KCNMA1: variants seen among roughly 807,000 people sequenced by gnomAD.
KCNMA1 encodes Calcium-activated potassium channel subunit alpha-1.
In KCNMA1, 29 loss-of-function variants were observed where a neutral mutation model predicts 140.0. The observed-to-expected ratio is 0.21, with a 90% confidence interval of 0.15 to 0.28. The LOEUF (loss-of-function observed/expected upper bound fraction) is 0.28. Ranked by LOEUF, KCNMA1 falls within the 10% of genes least tolerant of loss-of-function variation. The pLI, the probability that KCNMA1 is intolerant of heterozygous loss-of-function variation, is 1.00. For synonymous variants in KCNMA1, 612 were observed against 611.9 expected (o/e 1.00, Z 0.00); for missense variants, 880 against 1,602.2 (o/e 0.55, Z 7.70).
At chr10:77,556,502 C>CAA (rs11446237) in intron 1 of KCNMA1, among the ~76,000 whole-genome samples, 14,670 of 67,936 alleles carry the variant, frequency 0.22, 2,004 homozygotes, top group African/African-American at 0.27. Flanking sequence ...GGGACTATCT[C>CAA]AAAAAAAAAA....
intron 6 of KCNMA1, among the ~76,000 whole-genome samples, chr10:77,117,819 G>A (rs2097517141): frequency 6.6e-6 from 1 of 152,138 alleles, no homozygotes; most frequent in South Asian, 2.1e-4. Context: ...GAGTCTCCTT[G>A]TCTCCCCTTT....
chr10:77,325,726 G>T (rs1300548463), intron 2 of KCNMA1, among the ~76,000 whole-genome samples: 1 of 152,126 alleles, frequency 6.6e-6, no homozygotes, highest in African/African-American at 2.4e-5. Flanking sequence ...GTTGCTGGGG[G>T]GCTTTGCTGT....
chr10:77,387,845 T>C (rs1005314904), intron 2 of KCNMA1, among the ~76,000 whole-genome samples: 11 of 152,196 alleles, frequency 7.2e-5, no homozygotes, highest in African/African-American at 2.7e-4. Flanking sequence ...CTTAAACTCC[T>C]GACCTCAAGT....
intron 3 of KCNMA1, among the ~76,000 whole-genome samples, chr10:77,204,558 T>C (rs2043460028): frequency 6.6e-6 from 1 of 152,156 alleles, no homozygotes; most frequent in African/African-American, 2.4e-5. Context: ...GTTGCCCCTG[T>C]AAACATTATA....
intron 23 of KCNMA1, among the ~76,000 whole-genome samples, chr10:76,940,396 A>G (rs1390675265): frequency 1.3e-5 from 2 of 152,216 alleles, no homozygotes; most frequent in Non-Finnish European, 2.9e-5. Flanking sequence ...CAGCTGTCCA[A>G]TGAAGGCTCT....
chr10:77,251,098 T>C lies in KCNMA1; in HGVS notation c.602+97A>G, dbSNP rs982669276. ...TCCAAAATCTTCTGCACTCAGAAGG[T>C]CTTGCAAAGGTTGGTGTCAAGGTAA... On this transcript the variant is annotated intron_variant, in intron 3 of 27. Coordinates refer to ENST00000286628, the MANE Select transcript of KCNMA1 (RefSeq NM_001161352.2). 11 of 948,048 alleles carry C rather than the reference T, an allele frequency of 1.2e-5. No homozygotes were observed. In the African/African-American group the frequency reaches 1.6e-4, roughly 14 times the overall value. The allele number at this position is 948,048 out of a possible 1,614,324, so 58.7% of individuals were successfully genotyped here. A position where few individuals can be genotyped will look rare whatever the true frequency, so the allele number is the denominator to read the frequency against.
At chr10:76,949,086 T>G in intron 22 of KCNMA1, 56 bp downstream of exon 22, 2 of 1,331,938 alleles carry the variant, frequency 1.5e-6, no homozygotes, top group African/African-American at 1.4e-5. Context: ...CCATCCGGGA[T>G]TTTCTTTTGT....
intron 1 of KCNMA1, among the ~76,000 whole-genome samples, chr10:77,520,186 C>T (rs893890390): frequency 8.8e-5 from 9 of 102,062 alleles, no homozygotes; most frequent in Admixed American, 1.2e-4. Context: ...CTGGGGTATG[C>T]AGTGTGAGGG....
chr10:76,913,746 CA>C (rs563320111), intron 24 of KCNMA1: 113 of 303,224 alleles, frequency 3.7e-4, no homozygotes, highest in South Asian at 4.4e-4. Flanking sequence ...AGCGGGGTGA[CA>C]AAAAAAAGTG....
chr10:77,124,775 A>G (rs1006565586), intron 5 of KCNMA1, among the ~76,000 whole-genome samples: 1 of 152,200 alleles, frequency 6.6e-6, no homozygotes, highest in African/African-American at 2.4e-5. Context: ...CTATCTGGAG[A>G]AATGGTTGGT....
At chr10:77,162,063 A>C (rs1247171741) in intron 5 of KCNMA1, among the ~76,000 whole-genome samples, 7 of 152,082 alleles carry the variant, frequency 4.6e-5, no homozygotes, top group Non-Finnish European at 1.5e-5. Flanking sequence ...AAGCACACTG[A>C]TTCTAGTTAA....
At chr10:77,410,763 G>A (rs537711058) in intron 1 of KCNMA1, among the ~76,000 whole-genome samples, 8 of 152,262 alleles carry the variant, frequency 5.3e-5, no homozygotes, top group South Asian at 2.1e-4. Context: ...ACCCAGTCCC[G>A]TCTCGGGGCT....
intron 2 of KCNMA1, among the ~76,000 whole-genome samples, chr10:77,401,534 C>G (rs1207774718): frequency 2.6e-5 from 4 of 152,200 alleles, no homozygotes; most frequent in Admixed American, 2.6e-4. Flanking sequence ...GTCTGCACCC[C>G]CCATTTCCCA....
chr10:76,958,500 A>G (rs1464966232), intron 20 of KCNMA1, among the ~76,000 whole-genome samples: 1 of 152,172 alleles, frequency 6.6e-6, no homozygotes, highest in African/African-American at 2.4e-5. Flanking sequence ...TTCTCCCCCA[A>G]ATTTTTATGT....
intron 1 of KCNMA1, among the ~76,000 whole-genome samples, chr10:77,627,638 C>T (rs745490696): frequency 2.0e-5 from 3 of 152,206 alleles, no homozygotes; most frequent in Non-Finnish European, 4.4e-5. Flanking sequence ...CATGGAAACA[C>T]CACCCAGCTC....
intron 9 of KCNMA1, among the ~76,000 whole-genome samples, chr10:77,106,586 T>C (rs2097202568): frequency 6.6e-6 from 1 of 152,056 alleles, no homozygotes; most frequent in South Asian, 2.1e-4. Context: ...ATTTTCAACT[T>C]AGCCTTCAGG....
intron 1 of KCNMA1, among the ~76,000 whole-genome samples, chr10:77,426,903 C>T (rs1036745584): frequency 3.9e-5 from 6 of 152,250 alleles, no homozygotes; most frequent in Admixed American, 6.5e-5. Flanking sequence ...CATTTTACAT[C>T]GTGACCCACA....
intron 1 of KCNMA1, among the ~76,000 whole-genome samples, chr10:77,513,365 T>A (rs2049125460): frequency 6.6e-6 from 1 of 152,218 alleles, no homozygotes; most frequent in Non-Finnish European, 1.5e-5. Context: ...TCTCACGCTA[T>A]TGTCTTCCTA....
chr10:76,917,087 C>G (rs767316203), intron 23 of KCNMA1, among the ~76,000 whole-genome samples: 4 of 152,152 alleles, frequency 2.6e-5, no homozygotes, highest in Non-Finnish European at 5.9e-5. Context: ...TTTTTAAATG[C>G]TAGCTGTTTT....
Sources: gnomAD v4.1 joint callset for allele counts (sites outside exome capture counted in the v4.1 genomes callset) on GRCh38, gnomAD v4.1.1 for gene constraint, MANE v1.5 for transcripts, NCBI Gene and HGNC (gene_info 2026-07-23, HGNC 2026-07-21) for gene names.